The following LPP variants were observed in gnomAD, a reference collection of about 807,000 sequenced individuals.
LPP encodes LIM domain containing preferred translocation partner in lipoma.
In LPP, 38 loss-of-function variants were observed where a neutral mutation model predicts 60.4. That is an observed-to-expected ratio of 0.63 (90% CI 0.49 to 0.83). The LOEUF (loss-of-function observed/expected upper bound fraction) is 0.83. LPP is among the 40% of genes least tolerant of loss of function. The pLI is 0.00. For synonymous variants in LPP, 328 were observed against 290.8 expected, an observed-to-expected ratio of 1.13 and a Z score of -1.30; for missense variants, 902 against 783.6, an observed-to-expected ratio of 1.15 and a Z score of -1.80.
At chr3:188,746,752 T>G (rs1726354998) in intron 8 of LPP, 3 of 260,936 alleles carry the variant, frequency 1.1e-5, no homozygotes, top group Non-Finnish European at 2.3e-5. Context: ...ATATGTTTAC[T>G]AAATGTGATA....
intron 9 of LPP, among the ~76,000 whole-genome samples, chr3:188,819,027 CGTGTGTGT>C (rs59994224): frequency 0.041 from 5,777 of 142,186 alleles, 230 homozygotes; most frequent in African/African-American, 0.11. Flanking sequence ...TCATGGGGGT[CGTGTGTGT>C]GTGTGTGTGT....
intron 1 of LPP, among the ~76,000 whole-genome samples, chr3:188,195,112 A>T (rs1173058937): frequency 6.6e-6 from 1 of 152,162 alleles, no homozygotes; most frequent in Non-Finnish European, 1.5e-5. Context: ...TACAAAAATT[A>T]GCTGGGCGTC....
At position 188,387,398 on chromosome 3, in the gene LPP, A is replaced by T. The variant is rs537024715; in HGVS notation, c.-9-18714A>T. On this transcript the variant is annotated intron_variant, in intron 3 of 11. Transcript: ENST00000617246. ...CCATATCACTGCATATTCTTGAATGATTACAATTTTAATAACTTTAATATT... is the reference window on the plus strand; with the variant it reads ...CCATATCACTGCATATTCTTGAATGTTTACAATTTTAATAACTTTAATATT... Among the ~76,000 whole-genome samples, 7 of 152,290 alleles carry T rather than the reference A, an allele frequency of 4.6e-5. No homozygotes were observed. In the East Asian group the frequency reaches 1.4e-3, roughly 29 times the overall value.
At chr3:188,592,575 C>T (rs773810618) in intron 6 of LPP, among the ~76,000 whole-genome samples, 2 of 38,078 alleles carry the variant, frequency 5.3e-5, no homozygotes, top group African/African-American at 1.6e-4. Flanking sequence ...AATGGAGTCT[C>T]ACTCTTTCTC....
chr3:188,181,434 T>C (rs1207883213), intron 1 of LPP, among the ~76,000 whole-genome samples: 1 of 151,976 alleles, frequency 6.6e-6, no homozygotes. Flanking sequence ...TGCTACATAA[T>C]TGTATCTGTG....
At chr3:188,633,578 AT>A (rs796775140) in intron 7 of LPP, among the ~76,000 whole-genome samples, 1 of 152,082 alleles carries the variant, frequency 6.6e-6, no homozygotes, top group Non-Finnish European at 1.5e-5. Flanking sequence ...TCCCACAGTG[AT>A]TTTTTTCCAG....
chr3:188,821,813 T>C (rs1215852981), intron 9 of LPP, among the ~76,000 whole-genome samples: 4 of 152,176 alleles, frequency 2.6e-5, no homozygotes, highest in Non-Finnish European at 5.9e-5. Context: ...TTAATACTTG[T>C]AGTTAGACCA....
intron 2 of LPP, among the ~76,000 whole-genome samples, chr3:188,265,897 G>GTGTGTGTGTGTA (rs1735364277): frequency 6.6e-6 from 1 of 151,398 alleles, no homozygotes; most frequent in Non-Finnish European, 1.5e-5. Flanking sequence ...GTGTGTGTGT[G>GTGTGTGTGTGTA]TGTGTGTATG....
chr3:188,602,179 T>TATATATATATATATAA (rs1841487172), intron 6 of LPP, among the ~76,000 whole-genome samples: 1 of 133,802 alleles, frequency 7.5e-6, no homozygotes, highest in South Asian at 2.3e-4. Context: ...ATATATATTA[T>TATATATATATATATAA]ATATATATAT....
chr3:188,648,084 G>A (rs1851430225), intron 7 of LPP, among the ~76,000 whole-genome samples: 1 of 152,132 alleles, frequency 6.6e-6, no homozygotes, highest in African/African-American at 2.4e-5. Flanking sequence ...ACATAAATAG[G>A]AAAATTTTAA....
chr3:188,467,010 A>C (rs1800643978), intron 4 of LPP, among the ~76,000 whole-genome samples: 2 of 148,444 alleles, frequency 1.3e-5, no homozygotes, highest in Non-Finnish European at 3.0e-5. Context: ...TCAAATAGAT[A>C]GAACAATTTT....
chr3:188,744,182 C>G (rs1725367639), intron 8 of LPP, among the ~76,000 whole-genome samples: 1 of 152,102 alleles, frequency 6.6e-6, no homozygotes, highest in Non-Finnish European at 1.5e-5. Context: ...AGGTGTATAT[C>G]CACACACTTA....
At chr3:188,829,987 C>T (rs1267882621) in intron 9 of LPP, among the ~76,000 whole-genome samples, 1 of 143,568 alleles carries the variant, frequency 7.0e-6, no homozygotes, top group East Asian at 2.1e-4. Context: ...GCGTGGACAA[C>T]ACAGTGAAGC....
intron 1 of LPP, among the ~76,000 whole-genome samples, chr3:188,201,422 G>A (rs764351812): frequency 2.0e-5 from 3 of 152,064 alleles, no homozygotes; most frequent in Non-Finnish European, 4.4e-5. Flanking sequence ...AAAATGTGAC[G>A]GATGCCAGGC....
chr3:188,638,933 A>T (rs1401675742), intron 7 of LPP, among the ~76,000 whole-genome samples: 2 of 152,192 alleles, frequency 1.3e-5, no homozygotes, highest in African/African-American at 2.4e-5. Context: ...GAAAATGGCC[A>T]TACTGCCCAA....
chr3:188,606,742 G>C (rs1842450193), intron 6 of LPP, among the ~76,000 whole-genome samples: 1 of 152,038 alleles, frequency 6.6e-6, no homozygotes, highest in African/African-American at 2.4e-5. Context: ...TTTGAACCTA[G>C]AAAAAATTTA....
chr3:188,240,376 T>TGTGAGAGA (rs534393899), intron 2 of LPP, among the ~76,000 whole-genome samples: 33 of 143,230 alleles, frequency 2.3e-4, no homozygotes, highest in Non-Finnish European at 2.9e-4. Context: ...TGTGTGTGTG[T>TGTGAGAGA]GAGAGAGAGA....
chr3:188,753,280 A>C (rs1728678098), intron 8 of LPP, among the ~76,000 whole-genome samples: 1 of 152,292 alleles, frequency 6.6e-6, no homozygotes. Flanking sequence ...AATGCACAAT[A>C]ATTTTCTATT....
chr3:188,699,836 A>G (rs932349383), intron 7 of LPP, among the ~76,000 whole-genome samples: 1 of 152,196 alleles, frequency 6.6e-6, no homozygotes, highest in Admixed American at 6.5e-5. Context: ...TTCTCCTTCC[A>G]TTTAAGCAGT....
Sources: gnomAD v4.1 joint callset for allele counts (sites outside exome capture counted in the v4.1 genomes callset) on GRCh38, gnomAD v4.1.1 for gene constraint, MANE v1.5 for transcripts, NCBI Gene and HGNC (gene_info 2026-07-23, HGNC 2026-07-21) for gene names.